Variants in CADM2 observed in about 807,000 individuals in gnomAD.
CADM2 encodes immunoglobulin superfamily member 4D.
CADM2 carries 12 observed loss-of-function variants against 49.8 expected under a neutral mutation model. That is an observed-to-expected ratio of 0.24 (90% CI 0.15 to 0.39). CADM2 has a LOEUF of 0.39. Among genes scored for constraint, CADM2 ranks in the 10% least tolerant of loss-of-function variants. CADM2 has a pLI of 1.00. For synonymous variants in CADM2, 214 were observed against 175.4 expected (o/e 1.22, Z -1.74); for missense variants, 378 against 492.3 (o/e 0.77, Z 2.20).
chr3:85,242,560 T>C (rs1165130795), intron 1 of CADM2, among the ~76,000 whole-genome samples: 1 of 151,738 alleles, frequency 6.6e-6, no homozygotes, highest in Non-Finnish European at 1.5e-5. Flanking sequence ...TTTGAAAAGA[T>C]TAAAATTCAA....
At chr3:84,985,615 A>G (rs1034538216) in intron 1 of CADM2, among the ~76,000 whole-genome samples, 2 of 152,166 alleles carry the variant, frequency 1.3e-5, no homozygotes, top group African/African-American at 4.8e-5. Flanking sequence ...TTGATGCTAA[A>G]TGATTACACA....
intron 1 of CADM2, among the ~76,000 whole-genome samples, chr3:85,371,556 C>A (rs935477903): frequency 1.3e-5 from 2 of 150,398 alleles, no homozygotes; most frequent in Admixed American, 6.7e-5. Flanking sequence ...AGAACAAGAA[C>A]AAAGGTGCTT....
At chr3:85,676,453 G>C (rs573736713) in intron 1 of CADM2, among the ~76,000 whole-genome samples, 24 of 152,122 alleles carry the variant, frequency 1.6e-4, no homozygotes, top group Admixed American at 5.2e-4. Context: ...AAATTTGAAT[G>C]CTGTCCTTTT....
At chr3:85,547,515 A>C (rs11712915) in intron 1 of CADM2, among the ~76,000 whole-genome samples, 25,657 of 152,186 alleles carry the variant, frequency 0.17, 2,689 homozygotes, top group Non-Finnish European at 0.23. Flanking sequence ...CTGACCTGGC[A>C]GTCAGAAACC....
At chr3:86,062,888 C>T (rs1738853958) in intron 8 of CADM2, among the ~76,000 whole-genome samples, 1 of 151,848 alleles carries the variant, frequency 6.6e-6, no homozygotes, top group South Asian at 2.1e-4. Flanking sequence ...CTTTCATCTC[C>T]TGAGATCACT....
At chr3:85,602,984 A>C (rs966645831) in intron 1 of CADM2, among the ~76,000 whole-genome samples, 3 of 151,874 alleles carry the variant, frequency 2.0e-5, no homozygotes, top group South Asian at 2.1e-4. Context: ...TGACTTACAC[A>C]AGCAGAGTTA....
chr3:85,383,550 A>G (rs2034034610), intron 1 of CADM2, among the ~76,000 whole-genome samples: 1 of 145,738 alleles, frequency 6.9e-6, no homozygotes, highest in South Asian at 2.1e-4. Flanking sequence ...ATATATATAT[A>G]CATATAAACA....
chr3:85,855,597 T>A (rs866142967), intron 3 of CADM2, among the ~76,000 whole-genome samples: 9 of 95,690 alleles, frequency 9.4e-5, no homozygotes, highest in Admixed American at 3.1e-4. Flanking sequence ...TATATATATA[T>A]AAAACATATA....
chr3:84,959,974 C>A, intron 1 of CADM2: 1 of 511,030 alleles, frequency 2.0e-6, no homozygotes, highest in Non-Finnish European at 3.5e-6. Context: ...CGCCTTTTGG[C>A]TGGCAACTTG....
At chr3:85,290,164 C>G (rs963574462) in intron 1 of CADM2, among the ~76,000 whole-genome samples, 15 of 152,112 alleles carry the variant, frequency 9.9e-5, no homozygotes, top group African/African-American at 3.6e-4. Flanking sequence ...CTTTCCGAGT[C>G]AAAGAAAGGG....
intron 1 of CADM2, among the ~76,000 whole-genome samples, chr3:85,187,860 A>G (rs2041102153): frequency 6.6e-6 from 1 of 151,980 alleles, no homozygotes; most frequent in African/African-American, 2.4e-5. Context: ...TTCAAATTTC[A>G]ACATACCTGA....
intron 1 of CADM2, among the ~76,000 whole-genome samples, chr3:85,623,797 G>T (rs1018399212): frequency 6.6e-6 from 1 of 152,032 alleles, no homozygotes; most frequent in Non-Finnish European, 1.5e-5. Context: ...GCTATTTCAA[G>T]AATATTTTAT....
chr3:85,017,908 A>T (rs942464206), intron 1 of CADM2, among the ~76,000 whole-genome samples: 2 of 152,182 alleles, frequency 1.3e-5, no homozygotes, highest in African/African-American at 4.8e-5. Context: ...TGGAAATTGA[A>T]TACATACCAC....
intron 1 of CADM2, among the ~76,000 whole-genome samples, chr3:85,329,760 C>G (rs2044862202): frequency 6.6e-6 from 1 of 152,040 alleles, no homozygotes; most frequent in Non-Finnish European, 1.5e-5. Flanking sequence ...ATATATTTTA[C>G]AACTAGTAAT....
intron 5 of CADM2, among the ~76,000 whole-genome samples, chr3:85,899,541 C>T (rs1715808724): frequency 6.6e-6 from 1 of 151,924 alleles, no homozygotes; most frequent in African/African-American, 2.4e-5. Context: ...TTATTAGGTT[C>T]CAGATGCTGT....
chr3:85,282,927 A>G (rs1279383876), intron 1 of CADM2, among the ~76,000 whole-genome samples: 1 of 152,120 alleles, frequency 6.6e-6, no homozygotes, highest in Non-Finnish European at 1.5e-5. Flanking sequence ...AGAAATGATA[A>G]ATGCTTGAAG....
At chr3:85,877,951 T>C (rs1273608742) in intron 3 of CADM2, among the ~76,000 whole-genome samples, 1 of 152,046 alleles carries the variant, frequency 6.6e-6, no homozygotes, top group Non-Finnish European at 1.5e-5. Flanking sequence ...CTTTGGACTG[T>C]TAAATGTTTT....
chr3:84,961,829 C>T (rs145454271), intron 1 of CADM2, among the ~76,000 whole-genome samples: 5 of 152,282 alleles, frequency 3.3e-5, no homozygotes, highest in African/African-American at 1.2e-4. Flanking sequence ...GCATGTGGGC[C>T]ATGGACTGCA....
chr3:86,056,556 A>C (rs1738014546), intron 8 of CADM2, among the ~76,000 whole-genome samples: 1 of 152,206 alleles, frequency 6.6e-6, no homozygotes, highest in South Asian at 2.1e-4. Flanking sequence ...ATAATGAAGA[A>C]AGGATGAGCA....
Sources: gnomAD v4.1 joint callset for allele counts (sites outside exome capture counted in the v4.1 genomes callset) on GRCh38, gnomAD v4.1.1 for gene constraint, MANE v1.5 for transcripts, NCBI Gene and HGNC (gene_info 2026-07-23, HGNC 2026-07-21) for gene names.